Variants in CNTN1 observed in about 807,000 individuals in gnomAD.
The protein encoded by CNTN1 is contactin 1, also known as contactin-1.
Under a neutral mutation model 126.4 loss-of-function variants are expected in CNTN1, and 38 were observed. That is an observed-to-expected ratio of 0.30 (90% CI 0.23 to 0.39). The LOEUF is 0.39. Among genes scored for constraint, CNTN1 ranks in the 10% least tolerant of loss-of-function variants. The probability of loss-of-function intolerance (pLI) is 1.00; values close to 1 mark genes in which losing one functional copy is unlikely to be tolerated. For synonymous variants in CNTN1, 413 were observed against 422.6 expected (o/e 0.98, Z 0.28); for missense variants, 1,009 against 1,248.4 (o/e 0.81, Z 2.89).
chr12:40,750,808 GTCAT>G (rs777078625), intron 1 of CNTN1, among the ~76,000 whole-genome samples: 17 of 152,038 alleles, frequency 1.1e-4, no homozygotes, highest in Non-Finnish European at 2.2e-4. Flanking sequence ...AGATCCTCTG[GTCAT>G]TCAAGAAGAG....
intron 23 of CNTN1, among the ~76,000 whole-genome samples, chr12:41,063,060 C>T (rs1949970978): frequency 6.6e-6 from 1 of 152,210 alleles, no homozygotes; most frequent in Non-Finnish European, 1.5e-5. Context: ...GGCAAACTCA[C>T]ACCAGGCCTT....
At chr12:40,815,411 ATT>A (rs1282124524) in intron 1 of CNTN1, among the ~76,000 whole-genome samples, 1 of 152,052 alleles carries the variant, frequency 6.6e-6, no homozygotes, top group South Asian at 2.1e-4. Flanking sequence ...TTTTGTAGCA[ATT>A]GTGAATGGGA....
chr12:40,905,860 C>T (rs531890305), intron 1 of CNTN1, among the ~76,000 whole-genome samples: 2 of 152,250 alleles, frequency 1.3e-5, no homozygotes, highest in South Asian at 4.1e-4. Flanking sequence ...TAGGCATAAC[C>T]AGTGTGTACA....
intron 23 of CNTN1, among the ~76,000 whole-genome samples, chr12:41,046,867 T>G (rs1949551649): frequency 7.3e-6 from 1 of 136,072 alleles, no homozygotes; most frequent in African/African-American, 3.0e-5. Flanking sequence ...TTTTTTTTTT[T>G]GTCCTTCATT....
chr12:40,841,369 A>G (rs1942273781), intron 1 of CNTN1, among the ~76,000 whole-genome samples: 1 of 152,020 alleles, frequency 6.6e-6, no homozygotes, highest in African/African-American at 2.4e-5. Context: ...AAGAACTAAT[A>G]ACTACCTTCC....
At chr12:40,888,260 C>G (rs1171636048) in intron 1 of CNTN1, among the ~76,000 whole-genome samples, 1 of 152,058 alleles carries the variant, frequency 6.6e-6, no homozygotes, top group East Asian at 1.9e-4. Context: ...TGTTCTTATT[C>G]ACTGTTACGG....
rs536160027 is a variant in CNTN1 at position 40,794,541 on chromosome 12, T to C, written c.-77+101949T>C. ...ATGTTCACCTGATATTTTACCTAAA[T>C]GATATATTGCCAAAAATATTAAATA... On this transcript the variant is annotated intron_variant, in intron 1 of 23. Transcript: ENST00000551295. 5.3e-4 allele frequency among the ~76,000 whole-genome samples: 81 copies of C among 152,096 alleles called. 1 individual carries two copies. Among genetic ancestry groups the C allele is most frequent in the African/African-American group, 1.8e-3 (76 of 41,528 alleles).
intron 3 of CNTN1, among the ~76,000 whole-genome samples, chr12:40,914,571 A>G (rs1945163750): frequency 6.6e-6 from 1 of 152,226 alleles, no homozygotes; most frequent in Non-Finnish European, 1.5e-5. Context: ...CTTAATAGAA[A>G]AATGAATGTG....
At chr12:40,920,113 T>C (rs1945383529) in intron 4 of CNTN1, among the ~76,000 whole-genome samples, 1 of 152,210 alleles carries the variant, frequency 6.6e-6, no homozygotes, top group African/African-American at 2.4e-5. Context: ...TTTATCTATC[T>C]GGATAGATTG....
chr12:40,903,404 T>G (rs2136782698), intron 1 of CNTN1, among the ~76,000 whole-genome samples: 1 of 148,836 alleles, frequency 6.7e-6, no homozygotes, highest in South Asian at 2.1e-4. Flanking sequence ...TTTTTTTTTT[T>G]GCCTCTGTCA....
At chr12:40,949,318 G>A (rs920642191) in intron 14 of CNTN1, among the ~76,000 whole-genome samples, 2 of 149,484 alleles carry the variant, frequency 1.3e-5, no homozygotes, top group Admixed American at 1.3e-4. Flanking sequence ...GGGTACATGT[G>A]CACATTGTGC....
At chr12:40,931,087 A>ATTTG (rs998244759) in intron 7 of CNTN1, among the ~76,000 whole-genome samples, 6 of 151,816 alleles carry the variant, frequency 4.0e-5, no homozygotes, top group Non-Finnish European at 7.4e-5. Flanking sequence ...TTCACATTCC[A>ATTTG]TTTGTTTCAA....
intron 15 of CNTN1, chr12:40,972,442 T>C: frequency 1.2e-5 from 12 of 983,290 alleles, no homozygotes; most frequent in Non-Finnish European, 1.4e-5. Context: ...GACAGGTTTG[T>C]GTTTAGGTAT....
chr12:41,020,194 A>C (rs1948875956), intron 19 of CNTN1, 143 bp from the exon 20 acceptor site: 3 of 592,560 alleles, frequency 5.1e-6, no homozygotes, highest in Non-Finnish European at 9.1e-6. Flanking sequence ...AAATAATTGC[A>C]CTTAGTTTGA....
Position 40,959,095 on chromosome 12 carries a change from T to C in CNTN1, c.1684-19T>C, listed in dbSNP as rs778352154. 3 of 1,611,838 alleles carry C rather than the reference T, an allele frequency of 1.9e-6. No individual in the cohort carries two copies. In the South Asian group the frequency reaches 3.3e-5, roughly 18 times the overall value. On this transcript the variant is annotated intron_variant, in intron 14 of 23. Transcript: ENST00000551295. Reference sequence around the variant, plus strand: ...GTGAAAAATGTACTGATTTGAATAATTGCTGTTTTTGCTAACAGCTGGATT... The same window carrying C: ...GTGAAAAATGTACTGATTTGAATAACTGCTGTTTTTGCTAACAGCTGGATT...
At chr12:41,001,963 A>G (rs1948370338) in intron 17 of CNTN1, among the ~76,000 whole-genome samples, 1 of 151,884 alleles carries the variant, frequency 6.6e-6, no homozygotes. Flanking sequence ...TGGGTTCTCT[A>G]TTCTGTTTCA....
chr12:40,981,543 G>A (rs1238635864), intron 16 of CNTN1, among the ~76,000 whole-genome samples: 3 of 151,864 alleles, frequency 2.0e-5, no homozygotes, highest in Non-Finnish European at 2.9e-5. Context: ...GATCTCACCC[G>A]GTTTGAATTT....
chr12:41,061,187 C>T (rs867731804), intron 23 of CNTN1, among the ~76,000 whole-genome samples: 1 of 152,090 alleles, frequency 6.6e-6, no homozygotes, highest in South Asian at 2.1e-4. Flanking sequence ...CTCACCTTGC[C>T]CCAAAATATC....
At chr12:40,777,162 T>G (rs1214786242) in intron 1 of CNTN1, among the ~76,000 whole-genome samples, 3 of 151,680 alleles carry the variant, frequency 2.0e-5, no homozygotes, top group African/African-American at 7.2e-5. Flanking sequence ...CTCCAGACTC[T>G]ATCTCCAATA....
Sources: allele counts gnomAD v4.1 joint callset (sites outside exome capture counted in the v4.1 genomes callset), GRCh38; gene constraint gnomAD v4.1.1; transcripts MANE v1.5; gene names NCBI Gene and HGNC (gene_info 2026-07-23, HGNC 2026-07-21).